TIAM1: variants seen among roughly 807,000 people sequenced by gnomAD.
TIAM1 encodes the protein TIAM Rac1 associated GEF 1, also known as rho guanine nucleotide exchange factor TIAM1.
A neutral mutation model predicts 163.5 loss-of-function variants in TIAM1; 65 were observed. That is an observed-to-expected ratio of 0.40 (90% CI 0.33 to 0.49). The LOEUF is 0.49. Among genes scored for constraint, TIAM1 ranks in the 20% least tolerant of loss-of-function variants. The pLI, the probability that TIAM1 is intolerant of heterozygous loss-of-function variation, is 0.77. For missense variants in TIAM1, 1,789 were observed against 2,044.7 expected, an observed-to-expected ratio of 0.87 and a Z score of 2.41; for synonymous variants, 833 against 810.1, an observed-to-expected ratio of 1.03 and a Z score of -0.48.
intron 15 of TIAM1, among the ~76,000 whole-genome samples, chr21:31,176,738 T>C (rs897923627): frequency 7.2e-5 from 11 of 152,220 alleles, no homozygotes; most frequent in African/African-American, 2.4e-4. Context: ...AAAATTCCAA[T>C]TATCTTATGA....
chr21:31,482,060 AGTGTGTGTGTGTGTGTGTGT>A (rs10523425), intron 1 of TIAM1, among the ~76,000 whole-genome samples: 5 of 145,604 alleles, frequency 3.4e-5, no homozygotes, highest in African/African-American at 7.8e-5. Flanking sequence ...ACTGGGACAA[AGTGTGTGTGTGTGTGTGTGT>A]GTGTGTGTGT....
In TIAM1 at chr21:31,508,916, A is replaced by G. The variant is rs998666281; in HGVS notation, c.-421-44881T>C. Among the ~76,000 whole-genome samples, 3 of 152,152 alleles carry G rather than the reference A, an allele frequency of 2.0e-5. No homozygotes were observed. The South Asian group carries it at 6.2e-4, about 32-fold the overall frequency. ...TTGGTATTAAGATATGACTTGCTGC[A>G]GGACATTTAGCAAACTGGGCTGTGC... On this transcript the variant is annotated intron_variant, in intron 1 of 28. Transcript: ENST00000286827.
intron 2 of TIAM1, among the ~76,000 whole-genome samples, chr21:31,429,947 G>A (rs527758352): frequency 6.6e-6 from 1 of 152,240 alleles, no homozygotes; most frequent in African/African-American, 2.4e-5. Flanking sequence ...GGTGGCACAC[G>A]CCTGTCCTAG....
At chr21:31,199,128 A>G (rs2146510815) in intron 12 of TIAM1, among the ~76,000 whole-genome samples, 1 of 152,278 alleles carries the variant, frequency 6.6e-6, no homozygotes, top group Non-Finnish European at 1.5e-5. Flanking sequence ...AGATTTTAAG[A>G]AAAAAATTGC....
chr21:31,309,543 G>A (rs1239016774), intron 2 of TIAM1, among the ~76,000 whole-genome samples: 1 of 152,134 alleles, frequency 6.6e-6, no homozygotes, highest in Non-Finnish European at 1.5e-5. Flanking sequence ...AACTTATTGG[G>A]AAAAAAATCT....
intron 2 of TIAM1, among the ~76,000 whole-genome samples, chr21:31,318,652 A>C (rs911889419): frequency 1.2e-4 from 19 of 152,182 alleles, no homozygotes; most frequent in Non-Finnish European, 5.9e-5. Flanking sequence ...AAGCCAACAA[A>C]ATTTACTACT....
At chr21:31,333,052 G>C (rs768221344) in intron 2 of TIAM1, among the ~76,000 whole-genome samples, 4 of 152,086 alleles carry the variant, frequency 2.6e-5, no homozygotes, top group Non-Finnish European at 5.9e-5. Context: ...TGGGCAACAT[G>C]GCAAGACCCC....
intron 1 of TIAM1, among the ~76,000 whole-genome samples, chr21:31,507,067 A>C (rs539523474): frequency 6.6e-6 from 1 of 152,106 alleles, no homozygotes; most frequent in Non-Finnish European, 1.5e-5. Flanking sequence ...GGGTATGCAA[A>C]TATCTCTCTA....
chr21:31,141,458 C>A lies in TIAM1; in HGVS notation c.3522G>T (p.Pro1174=). 6.2e-7 allele frequency: 1 copy of A among 1,614,208 alleles called. No individual in the cohort carries two copies. The highest frequency in any genetic ancestry group is 2.2e-5 in the East Asian group (1 of 44,880). Residue 1174 remains proline (P), a synonymous_variant, in exon 21 of 28, where the codon CCG becomes CCT. Coordinates refer to ENST00000541036, the MANE Select transcript of TIAM1 (RefSeq NM_001353694.2). The surrounding 1 kb of genome is among the most constrained non-coding windows in gnomAD (Gnocchi z 4.7). ...AFKAFLDAQN[P]KQQHSSTLES... ...CCAGCGTGGATGAGTGCTGCTGCTT[C>A]GGGTTCTGGGCATCCAAGAATGCCT... is the stretch of plus-strand genomic sequence containing the variant.
chr21:31,128,643 G>C (rs1415414264), intron 25 of TIAM1, among the ~76,000 whole-genome samples: 2 of 152,106 alleles, frequency 1.3e-5, no homozygotes, highest in Non-Finnish European at 2.9e-5. Flanking sequence ...ACAACTTACA[G>C]GTGCCTGCAA....
intron 1 of TIAM1, among the ~76,000 whole-genome samples, chr21:31,498,892 G>A (rs2046755166): frequency 6.6e-6 from 1 of 151,556 alleles, no homozygotes; most frequent in African/African-American, 2.4e-5. Flanking sequence ...GTTGCAGTGA[G>A]CCGAGATCAT....
chr21:31,295,126 T>C (rs1303355457), intron 2 of TIAM1, among the ~76,000 whole-genome samples: 2 of 152,112 alleles, frequency 1.3e-5, no homozygotes, highest in Non-Finnish European at 2.9e-5. Context: ...GATGGCATGG[T>C]TCAAGATTCC....
chr21:31,456,440 T>A (rs1458431224), intron 2 of TIAM1, among the ~76,000 whole-genome samples: 1 of 152,218 alleles, frequency 6.6e-6, no homozygotes, highest in Admixed American at 6.5e-5. Flanking sequence ...TATCCGCCTG[T>A]CACTCAGGGC....
At chr21:31,340,025 G>A (rs1267081531) in intron 1 of TIAM1, among the ~76,000 whole-genome samples, 1 of 151,958 alleles carries the variant, frequency 6.6e-6, no homozygotes, top group Non-Finnish European at 1.5e-5. Context: ...TGTCTTCATT[G>A]AAAATAACTC....
At chr21:31,239,778 A>G (rs1026211368) in intron 6 of TIAM1, among the ~76,000 whole-genome samples, 2 of 152,226 alleles carry the variant, frequency 1.3e-5, no homozygotes, top group African/African-American at 4.8e-5. Flanking sequence ...AAGCGCATGA[A>G]TATGTGCTCA....
At chr21:31,223,659 C>G in intron 7 of TIAM1, 68 bp from the exon 8 acceptor site, 2 of 1,437,540 alleles carry the variant, frequency 1.4e-6, no homozygotes, top group Non-Finnish European at 9.4e-7. Context: ...TATCTTTATC[C>G]TATACAGATC....
chr21:31,178,641 G>A (rs1047554076), intron 15 of TIAM1, among the ~76,000 whole-genome samples: 2 of 151,976 alleles, frequency 1.3e-5, no homozygotes, highest in Non-Finnish European at 2.9e-5. Context: ...TTTGAAGCCA[G>A]TTTAGAAACT....
At chr21:31,165,557 T>C (rs1413751939) in intron 15 of TIAM1, among the ~76,000 whole-genome samples, 1 of 152,178 alleles carries the variant, frequency 6.6e-6, no homozygotes, top group Non-Finnish European at 1.5e-5. Context: ...AATTGGTTAG[T>C]ACCCAGATGA....
intron 16 of TIAM1, among the ~76,000 whole-genome samples, chr21:31,161,494 TCAA>T (rs1408818311): frequency 1.3e-5 from 2 of 152,066 alleles, no homozygotes. Context: ...ACCACCACGC[TCAA>T]CAACAAGCAT....
Sources: gnomAD v4.1 joint callset for allele counts (sites outside exome capture counted in the v4.1 genomes callset) on GRCh38, gnomAD v4.1.1 for gene constraint, Gnocchi (gnomAD v3.1) non-coding constraint, MANE v1.5 for transcripts, NCBI Gene and HGNC (gene_info 2026-07-23, HGNC 2026-07-21) for gene names.